The following HYKK variants were observed in gnomAD, a reference collection of about 807,000 sequenced individuals.
HYKK encodes hydroxylysine kinase.
HYKK carries 19 observed loss-of-function variants against 29.7 expected under a neutral mutation model. The observed-to-expected ratio is 0.64, with a 90% confidence interval of 0.45 to 0.94. The LOEUF (loss-of-function observed/expected upper bound fraction) is 0.94, where lower values mean the gene tolerates loss of function less well. HYKK is among the 40% of genes least tolerant of loss of function. HYKK has a pLI of 0.00. For missense variants in HYKK, 390 were observed against 443.4 expected (o/e 0.88, Z 1.08); for synonymous variants, 152 against 158.1 (o/e 0.96, Z 0.29).
chr15:78,513,197 G>A lies in HYKK; in HGVS notation c.109G>A (p.Val37Ile). 6.2e-7 allele frequency: 1 copy of A among 1,614,088 alleles called. No homozygotes were observed. Among genetic ancestry groups the A allele is most frequent in the Middle Eastern group, 1.6e-4 (1 of 6,062 alleles). Residue 37 changes from valine (V) to isoleucine (I), a missense_variant, in exon 2 of 5, where the codon GTC becomes ATC. Physicochemically the swap from Val to Ile is conservative, Grantham distance 29. Coordinates refer to ENST00000388988, the MANE Select transcript of HYKK (RefSeq NM_001013619.4). The stretch of plus-strand genomic sequence containing the variant: ...AGTGTTTGGGTTGAAAGTTTCCAAG[G>A]TCCGGCCACTTCCTAGCTATGATGA... ...ESVFGLKVSKVRPLPSYDDQN... is the reference protein window; with the variant it reads ...ESVFGLKVSKIRPLPSYDDQN...
chr15:78,527,537 T>C lies in HYKK; in HGVS notation c.635T>C (p.Met212Thr), dbSNP rs2052267953. 1 of 1,614,132 alleles carries C rather than the reference T, an allele frequency of 6.2e-7. No individual in the cohort carries two copies. Among genetic ancestry groups the C allele is most frequent in the Non-Finnish European group, 8.5e-7 (1 of 1,180,000 alleles). ...HVIHLFKEEV[M>T]TKLSHFRECI... ...ATTCATCTGTTCAAGGAGGAAGTAA[T>C]GACCAAATTAAGTCATTTTCGAGAA... The change falls in exon 4 of 5, where the codon ATG becomes ACG. Residue 212 changes from methionine (M) to threonine (T), a missense_variant. Physicochemically the swap from Met to Thr is moderately conservative, Grantham distance 81. Coordinates refer to ENST00000388988, the MANE Select transcript of HYKK (RefSeq NM_001013619.4).
At chr15:78,520,382 G>C (rs1162337028) in intron 3 of HYKK, among the ~76,000 whole-genome samples, 2 of 152,106 alleles carry the variant, frequency 1.3e-5, no homozygotes, top group East Asian at 3.9e-4. Context: ...AGAGGACCCT[G>C]CGGCCTTCCA....
chr15:78,521,962 A>G (rs1349269789), intron 3 of HYKK, among the ~76,000 whole-genome samples: 1 of 149,172 alleles, frequency 6.7e-6, no homozygotes, highest in Non-Finnish European at 1.5e-5. Context: ...AGAATATTAT[A>G]TTTCACTTCC....
At chr15:78,531,462 A>G (rs1041078819) in intron 4 of HYKK, among the ~76,000 whole-genome samples, 2 of 152,134 alleles carry the variant, frequency 1.3e-5, no homozygotes, top group Non-Finnish European at 2.9e-5. Flanking sequence ...GTTAAAGTAT[A>G]TTTTAATCCT....
chr15:78,507,672 G>A lies in HYKK; in HGVS notation c.-6+1G>A, dbSNP rs1296921677. ...ACCCCAGGACGTCGGGTCGCTGCCG[G>A]TGAGCCAAGGAGGGGGAAGCAGAGA... On this transcript the variant is annotated splice_donor_variant, in intron 1 of 4. Coordinates refer to ENST00000388988, the MANE Select transcript of HYKK (RefSeq NM_001013619.4). LOFTEE classifies it low-confidence loss of function (5UTR_SPLICE). 1.3e-5 allele frequency: 2 copies of A among 152,486 alleles called. No individual in the cohort carries two copies. The highest frequency in any genetic ancestry group is 4.8e-5 in the African/African-American group (2 of 41,594). The allele number at this position is 152,486 out of a possible 1,614,324, so 9.4% of individuals were successfully genotyped here.
rs1430430012 is a variant in HYKK at position 78,515,001 on chromosome 15, G to A, written c.371G>A (p.Arg124Lys). 1 of 1,594,840 alleles carries A rather than the reference G, an allele frequency of 6.3e-7. No homozygotes were observed. Among genetic ancestry groups the A allele is most frequent in the South Asian group, 1.1e-5 (1 of 88,170 alleles). ...SGSEIKSYLV[R>K]LLTYLPGRPI... ...TCTGAAATCAAAAGCTACTTGGTGA[G>A]GCTGCTGACTTACCTCCCAGGAAGA... is the stretch of plus-strand genomic sequence containing the variant. Residue 124 changes from arginine (R) to lysine (K), a missense_variant, in exon 3 of 5, where the codon AGG (arginine) becomes AAG (lysine). Physicochemically the swap from Arg to Lys is conservative, Grantham distance 26. Coordinates refer to ENST00000388988, the MANE Select transcript of HYKK (RefSeq NM_001013619.4).
At chr15:78,508,665 A>G (rs2052038911) in intron 1 of HYKK, among the ~76,000 whole-genome samples, 2 of 152,062 alleles carry the variant, frequency 1.3e-5, no homozygotes, top group African/African-American at 4.8e-5. Context: ...CTCCCTTTCA[A>G]TGAAGTAGGA....
chr15:78,508,674 G>A (rs1298969123), intron 1 of HYKK, among the ~76,000 whole-genome samples: 1 of 151,464 alleles, frequency 6.6e-6, no homozygotes, highest in Non-Finnish European at 1.5e-5. Context: ...AATGAAGTAG[G>A]AAAAAAAGTT....
intron 1 of HYKK, among the ~76,000 whole-genome samples, 194 bp from the exon 2 acceptor site, chr15:78,512,890 T>C (rs1200427649): frequency 6.6e-6 from 1 of 152,262 alleles, no homozygotes; most frequent in East Asian, 1.9e-4. Flanking sequence ...AGAATTTGTA[T>C]GCAGTTGTCA....
intron 3 of HYKK, among the ~76,000 whole-genome samples, chr15:78,518,012 T>G (rs549031377): frequency 6.6e-6 from 1 of 152,330 alleles, no homozygotes; most frequent in Admixed American, 6.5e-5. Flanking sequence ...GCTTTCTCTC[T>G]GCAGCTCTCC....
chr15:78,512,977 A>C lies in HYKK; in HGVS notation c.-5-107A>C. 3 of 640,962 alleles carry C rather than the reference A, an allele frequency of 4.7e-6. No individual in the cohort carries two copies. The South Asian group carries it at 6.0e-5, about 13-fold the overall frequency. 39.7% of individuals were successfully genotyped at this position (640,962 alleles called of 1,614,324 possible). ...ATGAGTAAAACTTAACAATCAAAAG[A>C]AGTACAGAATCAACAGAAACATTAC... On this transcript the variant is annotated intron_variant, in intron 1 of 4. Coordinates refer to ENST00000388988, the MANE Select transcript of HYKK (RefSeq NM_001013619.4).
intron 1 of HYKK, among the ~76,000 whole-genome samples, chr15:78,512,303 A>G (rs899849723): frequency 3.3e-5 from 5 of 151,824 alleles, no homozygotes; most frequent in Non-Finnish European, 5.9e-5. Context: ...ATTTGAATTT[A>G]TTGTTTAACC....
At chr15:78,532,451 CA>C (rs1240597935) in intron 4 of HYKK, among the ~76,000 whole-genome samples, 14 of 151,796 alleles carry the variant, frequency 9.2e-5, no homozygotes, top group Non-Finnish European at 1.2e-4. Context: ...TTTTAGTAAT[CA>C]AAAAAAGGGA....
chr15:78,527,118 A>G (rs951124642), intron 3 of HYKK, among the ~76,000 whole-genome samples: 9 of 149,990 alleles, frequency 6.0e-5, no homozygotes, highest in Non-Finnish European at 1.2e-4. Flanking sequence ...TCTACTAATA[A>G]TACAAAAAAA....
chr15:78,531,719 CAG>C (rs1361866384), intron 4 of HYKK, among the ~76,000 whole-genome samples: 1 of 152,084 alleles, frequency 6.6e-6, no homozygotes, highest in Non-Finnish European at 1.5e-5. Context: ...TTAATAGAAA[CAG>C]GGTTTCACTA....
chr15:78,524,726 T>G (rs894337705), intron 3 of HYKK, among the ~76,000 whole-genome samples: 1 of 152,030 alleles, frequency 6.6e-6, no homozygotes, highest in Non-Finnish European at 1.5e-5. Flanking sequence ...GGAGTATCGC[T>G]TGAACCTGGG....
At chr15:78,512,968 A>C in intron 1 of HYKK, 116 bp from the exon 2 acceptor site, 4 of 627,178 alleles carry the variant, frequency 6.4e-6, no homozygotes, top group Non-Finnish European at 1.1e-5. Flanking sequence ...AAAACTTAAC[A>C]ATCAAAAGAA....
intron 4 of HYKK, among the ~76,000 whole-genome samples, chr15:78,531,325 T>C (rs1021702148): frequency 5.3e-5 from 8 of 152,198 alleles, no homozygotes; most frequent in African/African-American, 1.9e-4. Flanking sequence ...AAAGAAAGTA[T>C]ATTCTGCAGT....
chr15:78,533,570 G>A lies in HYKK; in HGVS notation c.1022G>A (p.Gly341Glu), dbSNP rs2052333553. Reference protein sequence around the residue: ...KDYLMVTAKTGWKHLQQMFDM... With the variant: ...KDYLMVTAKTEWKHLQQMFDM... Reference sequence around the variant, plus strand: ...TATCTCATGGTTACTGCAAAAACCGGGTGGAAACACTTACAGCAAATGTTT... The same window carrying A: ...TATCTCATGGTTACTGCAAAAACCGAGTGGAAACACTTACAGCAAATGTTT... The change falls in exon 5 of 5, where the codon GGG becomes GAG. Residue 341 changes from glycine (G) to glutamate (E), a missense_variant. By Grantham distance (98) the Gly-to-Glu change is moderately conservative. Transcript: ENST00000388988. The A allele has an allele frequency of 6.2e-7, 1 of 1,614,036 alleles. No homozygotes were observed. Among genetic ancestry groups the A allele is most frequent in the African/African-American group, 1.3e-5 (1 of 74,904 alleles).
Sources: gnomAD v4.1 joint callset for allele counts (sites outside exome capture counted in the v4.1 genomes callset) on GRCh38, gnomAD v4.1.1 for gene constraint, MANE v1.5 for transcripts, NCBI Gene and HGNC (gene_info 2026-07-23, HGNC 2026-07-21) for gene names.